C10orf105: variants seen among roughly 807,000 people sequenced by gnomAD.
C10orf105 encodes the protein uncharacterized protein C10orf105.
Under a neutral mutation model 0.6 loss-of-function variants are expected in C10orf105, and 2 were observed. That is an observed-to-expected ratio of 3.18 (90% CI 1.30 to 10.01). The LOEUF is 10.01. Ranked by LOEUF, C10orf105 falls within the 30% of genes most tolerant of loss-of-function variation. The probability of loss-of-function intolerance (pLI) is 0.04; values close to 1 mark genes in which losing one functional copy is unlikely to be tolerated. For missense variants in C10orf105, 209 were observed against 191.4 expected (o/e 1.09, Z -0.54); for synonymous variants, 95 against 82.4 (o/e 1.15, Z -0.83).
intron 1 of C10orf105, among the ~76,000 whole-genome samples, chr10:71,719,384 C>G (rs1272593408): frequency 6.6e-6 from 1 of 152,210 alleles, no homozygotes; most frequent in Non-Finnish European, 1.5e-5. Context: ...TCTCTGCAAG[C>G]TCAGTCTAGG....
Position 71,725,480 on chromosome 10 carries a change from C to G in C10orf105, c.-5-9138G>C, listed in dbSNP as rs1350774681. On this transcript the variant is annotated intron_variant, in intron 1 of 1. Coordinates refer to the C10orf105 transcript ENST00000398786. ...TCATCCCACGTGCTGATAGTGGAGGCCTACAACCACGACCTGGGCCCCATG... is the reference window on the plus strand; with the variant it reads ...TCATCCCACGTGCTGATAGTGGAGGGCTACAACCACGACCTGGGCCCCATG... The G allele has an allele frequency of 1.9e-6, 3 of 1,613,786 alleles. No individual in the cohort carries two copies. The highest frequency in any genetic ancestry group is 2.5e-6 in the Non-Finnish European group (3 of 1,179,852).
At chr10:71,736,081 A>C (rs1227060) in intron 1 of C10orf105, among the ~76,000 whole-genome samples, 125,478 of 152,302 alleles carry the variant, frequency 0.82, 51,705 homozygotes, top group African/African-American at 0.86. Flanking sequence ...GCAGGGATGG[A>C]AAGGAGGTCC....
At chr10:71,728,016 C>G (rs761356161) in intron 1 of C10orf105, among the ~76,000 whole-genome samples, 1 of 152,174 alleles carries the variant, frequency 6.6e-6, no homozygotes, top group Non-Finnish European at 1.5e-5. Flanking sequence ...TCCCTGCCAC[C>G]TCTCTCATCT....
intron 1 of C10orf105, 113 bp from the exon 2 acceptor site, chr10:71,716,455 G>T: frequency 1.2e-6 from 1 of 807,046 alleles, no homozygotes; most frequent in East Asian, 2.8e-5. Context: ...TGTTAAACTG[G>T]ACAGCATCAT....
At chr10:71,719,952 C>G (rs906625025), upstream of C10orf105, 14 of 152,982 alleles carry the variant, frequency 9.2e-5, no homozygotes, top group African/African-American at 2.9e-4. Context: ...CTCTCTCCAG[C>G]CTGTCTCCTT....
At chr10:71,720,691 A>G (rs1421158529), upstream of C10orf105, among the ~76,000 whole-genome samples, 4 of 152,204 alleles carry the variant, frequency 2.6e-5, no homozygotes, top group East Asian at 7.7e-4. Context: ...AAAAAGAGGC[A>G]CTGTCTGCCA....
At chr10:71,730,428 C>T (rs768157878) in intron 1 of C10orf105, 12 of 1,604,664 alleles carry the variant, frequency 7.5e-6, no homozygotes, top group Non-Finnish European at 9.4e-6. Context: ...TCCCAGCCTC[C>T]ACCCCACCCT....
chr10:71,722,734 A>G (rs1273789320), upstream of C10orf105, among the ~76,000 whole-genome samples: 1 of 152,188 alleles, frequency 6.6e-6, no homozygotes, highest in African/African-American at 2.4e-5. Flanking sequence ...CCTGAAGGAG[A>G]TGAGGGCATG....
chr10:71,735,381 A>G (rs1839535097), intron 1 of C10orf105, among the ~76,000 whole-genome samples: 1 of 152,126 alleles, frequency 6.6e-6, no homozygotes, highest in Admixed American at 6.5e-5. Context: ...ACGTTCCTAG[A>G]AGAGGCGGCC....
At chr10:71,726,327 C>T (rs888788454) in intron 1 of C10orf105, among the ~76,000 whole-genome samples, 2 of 152,204 alleles carry the variant, frequency 1.3e-5, no homozygotes, top group East Asian at 1.9e-4. Flanking sequence ...ACTGAGTGCC[C>T]GGCTCCTCTT....
intron 1 of C10orf105, among the ~76,000 whole-genome samples, chr10:71,718,910 A>AC (rs1180261686): frequency 1.3e-5 from 2 of 152,012 alleles, no homozygotes; most frequent in African/African-American, 4.8e-5. Context: ...CTGAAAGAAA[A>AC]AAAAAAAAGG....
intron 1 of C10orf105, chr10:71,725,404 A>G (rs758792890): frequency 1.9e-6 from 3 of 1,614,036 alleles, no homozygotes; most frequent in Non-Finnish European, 1.7e-6. Flanking sequence ...GATCCATGTC[A>G]GCAATGGGCT....
chr10:71,725,713 T>G (rs980664221), intron 1 of C10orf105, among the ~76,000 whole-genome samples: 3 of 152,184 alleles, frequency 2.0e-5, no homozygotes, highest in African/African-American at 7.2e-5. Context: ...TGCTGTGAGT[T>G]TGTTCCTCCA....
In C10orf105 at chr10:71,729,648, TAA is replaced by T. The variant is rs1324316922; in HGVS notation, c.-6+8078_-6+8079del. 1.5e-4 allele frequency among the ~76,000 whole-genome samples: 23 copies of T among 152,178 alleles called. 1 individual carries two copies. The highest frequency in any genetic ancestry group is 1.5e-3 in the Admixed American group (23 of 15,290). On this transcript the variant is annotated intron_variant, in intron 1 of 1. Coordinates refer to the C10orf105 transcript ENST00000398786. Reference sequence around the variant, plus strand: ...AGCTGGCCGTGAGAAGGTGCACAAGTAAAGAGTACTGAGCACTGACATTCTCT... The same window carrying T: ...AGCTGGCCGTGAGAAGGTGCACAAGTAGAGTACTGAGCACTGACATTCTCT...
At chr10:71,735,913 G>A (rs373621694) in intron 1 of C10orf105, among the ~76,000 whole-genome samples, 15 of 152,212 alleles carry the variant, frequency 9.9e-5, no homozygotes, top group East Asian at 5.8e-4. Context: ...AGCCACCTGC[G>A]TCCTGCCACT....
At chr10:71,732,277 C>T in intron 1 of C10orf105, 1 of 1,613,320 alleles carries the variant, frequency 6.2e-7, no homozygotes, top group Non-Finnish European at 8.5e-7. Flanking sequence ...TGTGCGGGTC[C>T]AGGCCTACTC....
chr10:71,727,287 T>C (rs1251411584), intron 1 of C10orf105, among the ~76,000 whole-genome samples: 2 of 152,144 alleles, frequency 1.3e-5, no homozygotes. Context: ...CCTGTCCCCT[T>C]AACCACTACA....
rs765693634 is a variant in C10orf105 at position 71,715,926 on chromosome 10, G to A, written c.*10C>T. 4 of 1,450,460 alleles carry A rather than the reference G, an allele frequency of 2.8e-6. No individual in the cohort carries two copies. The highest frequency in any genetic ancestry group is 2.9e-5 in the South Asian group (2 of 67,954). The allele number at this position is 1,450,460 out of a possible 1,614,324, so 89.8% of individuals were successfully genotyped here. A position where few individuals can be genotyped will look rare whatever the true frequency, so the allele number is the denominator to read the frequency against. The stretch of plus-strand genomic sequence containing the variant: ...TAGGGGGATGTGGGGGCATGTTTGT[G>A]GACACCCCATTACATCTTGGTAGAT... On this transcript the variant is annotated 3_prime_UTR_variant, in exon 2 of 2. Coordinates refer to ENST00000441508, the MANE Select transcript of C10orf105 (RefSeq NM_001164375.3).
At chr10:71,734,681 T>G in intron 1 of C10orf105, 1 of 1,386,086 alleles carries the variant, frequency 7.2e-7, no homozygotes, top group Non-Finnish European at 9.8e-7. Flanking sequence ...TGGCTGGAGC[T>G]TCCCCTGTGC....
Sources: allele counts gnomAD v4.1 joint callset (sites outside exome capture counted in the v4.1 genomes callset), GRCh38; gene constraint gnomAD v4.1.1; transcripts MANE v1.5; gene names NCBI Gene and HGNC (gene_info 2026-07-23, HGNC 2026-07-21).